Variants in POLA1 observed in about 807,000 individuals in gnomAD.
POLA1 encodes DNA polymerase alpha catalytic subunit.
POLA1 carries 15 observed loss-of-function variants against 124.0 expected under a neutral mutation model. The ratio of observed to expected loss-of-function variants is 0.12; its 90% CI spans 0.08 to 0.19. The LOEUF is 0.19. Ranked by LOEUF, POLA1 falls within the 10% of genes least tolerant of loss-of-function variation. The pLI, the probability that POLA1 is intolerant of heterozygous loss-of-function variation, is 1.00. For synonymous variants in POLA1, 408 were observed against 389.4 expected, an observed-to-expected ratio of 1.05 and a Z score of -0.56; for missense variants, 886 against 1,103.4, an observed-to-expected ratio of 0.80 and a Z score of 2.79.
chrX:24,728,420 C>A (rs1930677745), intron 15 of POLA1, among the ~76,000 whole-genome samples: 3 of 111,900 alleles, frequency 2.7e-5, no homozygotes, highest in African/African-American at 9.7e-5. Flanking sequence ...TTGGTATAAT[C>A]TAAAATACCC....
chrX:24,810,225 AT>A (rs55720216), intron 27 of POLA1, among the ~76,000 whole-genome samples: 6 of 110,620 alleles, frequency 5.4e-5, no homozygotes, highest in African/African-American at 1.6e-4. Context: ...GTTATGATTG[AT>A]TTTTTTTGGC....
chrX:24,821,600 C>G lies in POLA1; in HGVS notation c.3561+17C>G. On this transcript the variant is annotated intron_variant, in intron 31 of 36. Transcript: ENST00000379068. ...ATCTGTCAGGTAAACTATTGACATTCGTAAGACTCTGACACCTCTTAAGAA... is the reference window on the plus strand; with the variant it reads ...ATCTGTCAGGTAAACTATTGACATTGGTAAGACTCTGACACCTCTTAAGAA... The G allele has an allele frequency of 1.7e-6, 2 of 1,165,315 alleles. No homozygotes were observed. Among genetic ancestry groups the G allele is most frequent in the Non-Finnish European group, 2.3e-6 (2 of 858,751 alleles).
At chrX:24,846,820 T>G (rs2046483393) in intron 34 of POLA1, among the ~76,000 whole-genome samples, 1 of 112,218 alleles carries the variant, frequency 8.9e-6, no homozygotes, top group Admixed American at 9.4e-5. Context: ...CCTCACTAAC[T>G]GCCCTGGTTA....
intron 34 of POLA1, among the ~76,000 whole-genome samples, chrX:24,867,816 A>G (rs540693726): frequency 8.9e-6 from 1 of 112,181 alleles, no homozygotes; most frequent in African/African-American, 3.2e-5. Flanking sequence ...CACAGAGGGA[A>G]AGGAAAGGAG....
intron 35 of POLA1, among the ~76,000 whole-genome samples, chrX:24,909,590 T>A (rs1290869301): frequency 9.0e-6 from 1 of 110,896 alleles, no homozygotes; most frequent in African/African-American, 3.3e-5. Context: ...GTTCCATTGG[T>A]CTATATCTCT....
chrX:24,953,212 C>T (rs2048068507), intron 36 of POLA1, among the ~76,000 whole-genome samples: 2 of 112,020 alleles, frequency 1.8e-5, no homozygotes, highest in South Asian at 7.5e-4. Flanking sequence ...TGTCAGACAT[C>T]CTAGCTATTG....
chrX:24,756,463 T>G (rs774436959), intron 26 of POLA1, among the ~76,000 whole-genome samples: 46 of 108,804 alleles, frequency 4.2e-4, no homozygotes, highest in Non-Finnish European at 8.0e-4. Context: ...CTCAGGAGGC[T>G]GAGGCAGGAG....
chrX:24,741,637 T>G, intron 21 of POLA1, 133 bp downstream of exon 21: 7 of 600,120 alleles, frequency 1.2e-5, no homozygotes, highest in Non-Finnish European at 1.8e-5. Context: ...AAGCTGGATT[T>G]CTTTTGTAAA....
At chrX:24,741,221 A>G (rs1931637115) in intron 20 of POLA1, among the ~76,000 whole-genome samples, 154 bp from the exon 21 acceptor site, 1 of 109,671 alleles carries the variant, frequency 9.1e-6, no homozygotes, top group Non-Finnish European at 1.9e-5. Context: ...CTAGTTACAT[A>G]CTGACCTTAT....
chrX:24,724,306 C>A, intron 11 of POLA1, 29 bp from the exon 12 acceptor site: 1 of 716,634 alleles, frequency 1.4e-6, no homozygotes. Flanking sequence ...ACTTTTTTTT[C>A]CCCTCTGTCC....
chrX:24,971,704 G>T (rs2147273740), intron 36 of POLA1, among the ~76,000 whole-genome samples: 1 of 111,767 alleles, frequency 8.9e-6, no homozygotes, highest in Non-Finnish European at 1.9e-5. Flanking sequence ...GCAACATGAG[G>T]ACTGGCTGGC....
intron 36 of POLA1, among the ~76,000 whole-genome samples, chrX:24,931,979 G>A (rs1287322270): frequency 9.0e-6 from 1 of 111,643 alleles, no homozygotes; most frequent in Non-Finnish European, 1.9e-5. Flanking sequence ...GCTCACTGCA[G>A]CCTCCGCCTT....
At chrX:24,832,426 C>T (rs949605088) in intron 32 of POLA1, among the ~76,000 whole-genome samples, 1 of 111,988 alleles carries the variant, frequency 8.9e-6, no homozygotes, top group Non-Finnish European at 1.9e-5. Context: ...AGTGACACTG[C>T]TCATCTCACA....
chrX:24,727,692 A>G lies in POLA1; in HGVS notation c.1532-90A>G, dbSNP rs1324830838. ...TTCTTATTAGAAGGCAGGGTTGAAGAATATGCCAGTTAATGACAGATGTCT... is the reference window on the plus strand; with the variant it reads ...TTCTTATTAGAAGGCAGGGTTGAAGGATATGCCAGTTAATGACAGATGTCT... On this transcript the variant is annotated intron_variant, in intron 14 of 36. Transcript: ENST00000379068. 7.0e-6 allele frequency: 5 copies of G among 712,504 alleles called. No individual in the cohort carries two copies. In the East Asian group the frequency reaches 1.7e-4, roughly 24 times the overall value. 58.7% of individuals were successfully genotyped at this position (712,504 alleles called of 1,213,427 possible). A position where few individuals can be genotyped will look rare whatever the true frequency, so the allele number is the denominator to read the frequency against.
chrX:24,833,887 C>A (rs138176837), intron 32 of POLA1, among the ~76,000 whole-genome samples: 86 of 111,690 alleles, frequency 7.7e-4, no homozygotes, highest in African/African-American at 2.7e-3. Context: ...GAGTTCAAGA[C>A]CAGCCTGGGC....
chrX:24,849,628 AT>A (rs34478463), intron 34 of POLA1, among the ~76,000 whole-genome samples: 29,464 of 78,993 alleles, frequency 0.37, 5,450 homozygotes, highest in African/African-American at 0.54. Flanking sequence ...TGCCCAGCTA[AT>A]TTTTTTTTTT....
chrX:24,962,301 C>A (rs1330236383), intron 36 of POLA1, among the ~76,000 whole-genome samples: 5 of 111,432 alleles, frequency 4.5e-5, no homozygotes, highest in Non-Finnish European at 9.4e-5. Context: ...ATACTAATTA[C>A]AGTAAATTAT....
At chrX:24,772,631 G>A (rs1446835236) in intron 26 of POLA1, among the ~76,000 whole-genome samples, 1 of 110,602 alleles carries the variant, frequency 9.0e-6, no homozygotes, top group Non-Finnish European at 1.9e-5. Context: ...TTATAAGTGA[G>A]AACACACGGT....
chrX:24,968,574 G>A (rs1418639493), intron 36 of POLA1, among the ~76,000 whole-genome samples: 1 of 109,463 alleles, frequency 9.1e-6, no homozygotes, highest in Non-Finnish European at 1.9e-5. Flanking sequence ...GTGGTGGCGG[G>A]TGCCTGTAGT....
Sources: gnomAD v4.1 joint callset for allele counts (sites outside exome capture counted in the v4.1 genomes callset) on GRCh38, gnomAD v4.1.1 for gene constraint, MANE v1.5 for transcripts, NCBI Gene and HGNC (gene_info 2026-07-23, HGNC 2026-07-21) for gene names.